SYT1: variants seen among roughly 807,000 people sequenced by gnomAD.
SYT1 encodes synaptotagmin-1.
A neutral mutation model predicts 44.8 loss-of-function variants in SYT1; 8 were observed. The ratio of observed to expected loss-of-function variants is 0.18; its 90% CI spans 0.10 to 0.32. SYT1 has a LOEUF of 0.32. Among genes scored for constraint, SYT1 ranks in the 10% least tolerant of loss-of-function variants. The pLI is 1.00. For synonymous variants in SYT1, 154 were observed against 188.8 expected, an observed-to-expected ratio of 0.82 and a Z score of 1.51; for missense variants, 286 against 509.3, an observed-to-expected ratio of 0.56 and a Z score of 4.22.
intron 4 of SYT1, among the ~76,000 whole-genome samples, chr12:79,275,482 A>T (rs1309329781): frequency 6.6e-6 from 1 of 152,100 alleles, no homozygotes; most frequent in African/African-American, 2.4e-5. Context: ...CTCCCCCTCT[A>T]CATGAATATC....
At chr12:79,122,159 A>G (rs1868276590) in intron 3 of SYT1, among the ~76,000 whole-genome samples, 1 of 152,248 alleles carries the variant, frequency 6.6e-6, no homozygotes, top group African/African-American at 2.4e-5. Context: ...CATCACTCGT[A>G]TAATTAGAAA....
intron 3 of SYT1, among the ~76,000 whole-genome samples, chr12:79,078,623 A>C (rs1016602792): frequency 1.3e-5 from 2 of 151,992 alleles, no homozygotes; most frequent in African/African-American, 4.8e-5. Flanking sequence ...TTTGCTGCAC[A>C]GACCAACCCA....
intron 8 of SYT1, among the ~76,000 whole-genome samples, chr12:79,314,611 G>A (rs73351099): frequency 0.011 from 1,619 of 152,276 alleles, 31 homozygotes; most frequent in African/African-American, 0.037. Context: ...ATTCTTATAC[G>A]TTGCTAATGG....
chr12:79,335,322 C>CTCGTAT (rs1882038457), intron 8 of SYT1, among the ~76,000 whole-genome samples: 1 of 151,400 alleles, frequency 6.6e-6, no homozygotes, highest in African/African-American at 2.4e-5. Flanking sequence ...CCAGCCTTTC[C>CTCGTAT]TCGTATTTCT....
Position 78,894,330 on chromosome 12 carries a change from G to GTTTTTTTTTTTTT in SYT1, c.-217+29244_-217+29256dup, listed in dbSNP as rs566175647. Among the ~76,000 whole-genome samples the GTTTTTTTTTTTTT allele has an allele frequency of 1.7e-3, 48 of 27,736 alleles. 17 individuals are homozygous for GTTTTTTTTTTTTT. The highest frequency in any genetic ancestry group is 3.5e-3 in the East Asian group (2 of 564). 18.2% of individuals were successfully genotyped at this position (27,736 alleles called of 152,430 possible). On this transcript the variant is annotated intron_variant, in intron 1 of 10. Coordinates refer to ENST00000261205, the MANE Select transcript of SYT1 (RefSeq NM_005639.3). Reference sequence around the variant, plus strand: ...AATTTATGATTGTGTTTTTTAATCTGTTTTTTTTTTTTTTTTTTTTTTTTT... The same window carrying GTTTTTTTTTTTTT: ...AATTTATGATTGTGTTTTTTAATCTGTTTTTTTTTTTTTTTTTTTTTTTTTTTTTTTTTTTTTT...
rs1464077921 is a variant in SYT1 at position 79,179,268 on chromosome 12, A to C, written c.-17-38235A>C. Among the ~76,000 whole-genome samples, 4 of 108,778 alleles carry C rather than the reference A, an allele frequency of 3.7e-5. 1 individual carries two copies. The highest frequency in any genetic ancestry group is 1.5e-4 in the African/African-American group (4 of 26,228). The allele number at this position is 108,778 out of a possible 152,430, so 71.4% of individuals were successfully genotyped here. On this transcript the variant is annotated intron_variant, in intron 3 of 10. Coordinates refer to ENST00000261205, the MANE Select transcript of SYT1 (RefSeq NM_005639.3). The stretch of plus-strand genomic sequence containing the variant: ...GATATAGATATAGATATAGATATAT[A>C]GATATAGATATAGATATATAGATAC...
chr12:79,272,283 A>G (rs749303242), intron 4 of SYT1, among the ~76,000 whole-genome samples: 36 of 152,208 alleles, frequency 2.4e-4, no homozygotes, highest in Non-Finnish European at 4.4e-4. Flanking sequence ...GACTTTGAAC[A>G]CTGTGCACAA....
chr12:79,205,534 G>T (rs1402320502), intron 3 of SYT1, among the ~76,000 whole-genome samples: 2 of 152,262 alleles, frequency 1.3e-5, no homozygotes, highest in Non-Finnish European at 2.9e-5. Flanking sequence ...ATTCATTAAT[G>T]AATACGTTTT....
intron 9 of SYT1, among the ~76,000 whole-genome samples, chr12:79,362,004 T>A (rs1481322400): frequency 6.6e-6 from 1 of 152,180 alleles, no homozygotes; most frequent in East Asian, 1.9e-4. Context: ...ATTACATATA[T>A]AAATACTAAA....
At chr12:79,431,246 A>G (rs1374113021) in intron 9 of SYT1, among the ~76,000 whole-genome samples, 2 of 152,244 alleles carry the variant, frequency 1.3e-5, no homozygotes, top group African/African-American at 4.8e-5. Context: ...CAAATTTTCT[A>G]TATAAGAAAT....
In SYT1 at chr12:79,285,886, A is replaced by C; in HGVS notation, c.266A>C (p.Asn89Thr). The C allele has an allele frequency of 6.2e-7, 1 of 1,614,020 alleles. No individual in the cohort carries two copies. Among genetic ancestry groups the C allele is most frequent in the Non-Finnish European group, 8.5e-7 (1 of 1,179,968 alleles). ...ICKKCLFKKK[N>T]KKKGKEKGGK... ...AAGAAATGTTTGTTCAAAAAGAAAA[A>C]CAAGAAGAAGGGAAAGGAAAAAGGA... The change falls in exon 5 of 11, where the codon AAC becomes ACC. Residue 89 changes from asparagine (N) to threonine (T), a missense_variant. Around this residue, in one of 6 missense-constraint regions of SYT1, gnomAD observed 141 missense variants for 165.7 expected, o/e 0.85. Transcript: ENST00000261205.
intron 1 of SYT1, among the ~76,000 whole-genome samples, chr12:78,893,913 T>G (rs1034603883): frequency 6.6e-6 from 1 of 151,660 alleles, no homozygotes; most frequent in Non-Finnish European, 1.5e-5. Context: ...CAGTCTCTCA[T>G]GCGCAAAGAT....
At chr12:78,942,991 A>G (rs928605727) in intron 1 of SYT1, among the ~76,000 whole-genome samples, 2 of 152,212 alleles carry the variant, frequency 1.3e-5, no homozygotes, top group African/African-American at 4.8e-5. Context: ...GGGCTTTCCT[A>G]TGTTTATATT....
At chr12:79,138,852 GT>G (rs1869369520) in intron 3 of SYT1, among the ~76,000 whole-genome samples, 1 of 152,110 alleles carries the variant, frequency 6.6e-6, no homozygotes, top group Non-Finnish European at 1.5e-5. Context: ...TGAGGCAAGT[GT>G]GCCACTTGCC....
At chr12:79,370,318 A>C (rs1259548881) in intron 9 of SYT1, among the ~76,000 whole-genome samples, 1 of 152,212 alleles carries the variant, frequency 6.6e-6, no homozygotes, top group Non-Finnish European at 1.5e-5. Context: ...AAGAGGACAT[A>C]ACTGTCTGAA....
chr12:79,011,918 G>C lies in SYT1; in HGVS notation c.-84+33987G>C, dbSNP rs540348722. Among the ~76,000 whole-genome samples the C allele has an allele frequency of 2.6e-5, 4 of 152,110 alleles. No homozygotes were observed. In the South Asian group the frequency reaches 8.3e-4, roughly 32 times the overall value. ...GGGCTGAGGCGGGTGAATCACCTTA[G>C]GTCAGGAGTTCAAGACCAGCCTGGC... On this transcript the variant is annotated intron_variant, in intron 2 of 10. Coordinates refer to ENST00000261205, the MANE Select transcript of SYT1 (RefSeq NM_005639.3).
At chr12:79,163,746 C>A (rs1160054365) in intron 3 of SYT1, among the ~76,000 whole-genome samples, 6 of 152,092 alleles carry the variant, frequency 3.9e-5, no homozygotes, top group Admixed American at 3.9e-4. Context: ...AATGAATACC[C>A]TGTGTTCTGT....
intron 8 of SYT1, among the ~76,000 whole-genome samples, chr12:79,333,449 G>A (rs1410068825): frequency 6.6e-6 from 1 of 152,144 alleles, no homozygotes; most frequent in Non-Finnish European, 1.5e-5. Context: ...CTGCGGAGGA[G>A]ACACAAACAT....
rs1555208605 is a variant in SYT1 at position 79,222,380 on chromosome 12, T to TTTTTTTTC, written c.166+4701_166+4702insTCTTTTTT. Among the ~76,000 whole-genome samples, 618 of 141,912 alleles carry TTTTTTTTC rather than the reference T, an allele frequency of 4.4e-3. 3 individuals are homozygous for TTTTTTTTC. The highest frequency in any genetic ancestry group is 0.014 in the African/African-American group (553 of 38,548). 93.1% of individuals were successfully genotyped at this position (141,912 alleles called of 152,430 possible). ...TCTGCTACTATTTATTTATTTACTTTTTTTTTCTTTTTTCTTTTTTTTGAT... is the reference window on the plus strand; with the variant it reads ...TCTGCTACTATTTATTTATTTACTTTTTTTTTTCTTTTTTCTTTTTTCTTTTTTTTGAT... On this transcript the variant is annotated intron_variant, in intron 4 of 10. Transcript: ENST00000261205.
Sources: gnomAD v4.1 joint callset for allele counts (sites outside exome capture counted in the v4.1 genomes callset) on GRCh38, gnomAD v4.1.1 for gene constraint, gnomAD v4.1.1 regional missense constraint, MANE v1.5 for transcripts, NCBI Gene and HGNC (gene_info 2026-07-23, HGNC 2026-07-21) for gene names.